HSH2D: variants seen among roughly 807,000 people sequenced by gnomAD.
The protein encoded by HSH2D is hematopoietic SH2 domain containing.
In HSH2D, 16 loss-of-function variants were observed where a neutral mutation model predicts 21.5. The observed-to-expected ratio is 0.74, with a 90% CI of 0.50 to 1.13. The LOEUF (loss-of-function observed/expected upper bound fraction) is 1.13. Among genes scored for constraint, HSH2D ranks in the 50% most tolerant of loss-of-function variants. The pLI, the probability that HSH2D is intolerant of heterozygous loss-of-function variation, is 0.00. For synonymous variants in HSH2D, 172 were observed against 184.7 expected (o/e 0.93, Z 0.56); for missense variants, 418 against 441.4 (o/e 0.95, Z 0.47).
intron 2 of HSH2D, 142 bp downstream of exon 2, chr19:16,149,017 G>A (rs2145039463): frequency 2.3e-6 from 2 of 887,918 alleles, no homozygotes; most frequent in South Asian, 3.6e-5. Flanking sequence ...CAGGCTCCCA[G>A]GCTTGAATCC....
At chr19:16,154,221 C>A (rs944380354) in intron 4 of HSH2D, among the ~76,000 whole-genome samples, 178 bp from the exon 5 acceptor site, 5 of 152,152 alleles carry the variant, frequency 3.3e-5, no homozygotes, top group African/African-American at 4.8e-5. Flanking sequence ...GTGGGTGTGT[C>A]CCAATCCCTA....
chr19:16,142,607 GCATGTGTCA>G, upstream of HSH2D, among the ~76,000 whole-genome samples: 1 of 152,208 alleles, frequency 6.6e-6, no homozygotes, highest in East Asian at 1.9e-4. Context: ...GGGATTACAG[GCATGTGTCA>G]CCACGCCGGG....
chr19:16,152,091 G>A (rs1599422765), intron 2 of HSH2D, among the ~76,000 whole-genome samples: 1 of 122,516 alleles, frequency 8.2e-6, no homozygotes, highest in East Asian at 2.7e-4. Flanking sequence ...GGGAGACAGA[G>A]CGAGACTCTG....
chr19:16,152,600 C>A lies in HSH2D; in HGVS notation c.174C>A (p.Ile58=), dbSNP rs776123188. Reference sequence around the variant, plus strand: ...CACAGCCACTGGGATCCTTTCTCATCAGGGTCAGTCACAGCCATGTGGGCT... The same window carrying A: ...CACAGCCACTGGGATCCTTTCTCATAAGGGTCAGTCACAGCCATGTGGGCT... The part of the protein sequence containing the change: ...LESQPLGSFL[I]RVSHSHVGYT... Residue 58 remains isoleucine (I), a synonymous_variant, in exon 3 of 6, where the codon ATC becomes ATA. Coordinates refer to ENST00000613986, the MANE Select transcript of HSH2D (RefSeq NM_001382417.1). The A allele has an allele frequency of 1.3e-6, 2 of 1,514,708 alleles. No homozygotes were observed. The highest frequency in any genetic ancestry group is 2.7e-5 in the South Asian group (2 of 73,536). The allele number at this position is 1,514,708 out of a possible 1,614,324, so 93.8% of individuals were successfully genotyped here. A position where few individuals can be genotyped will look rare whatever the true frequency, so the allele number is the denominator to read the frequency against.
At chr19:16,147,492 A>G (rs1254093598) in intron 1 of HSH2D, among the ~76,000 whole-genome samples, 3 of 147,658 alleles carry the variant, frequency 2.0e-5, no homozygotes, top group Non-Finnish European at 4.4e-5. Context: ...TCAAAAAAAA[A>G]AAAAAAGAAA....
At chr19:16,142,499 C>G (rs557665922), upstream of HSH2D, among the ~76,000 whole-genome samples, 137 of 152,164 alleles carry the variant, frequency 9.0e-4, no homozygotes, top group Non-Finnish European at 1.7e-3. Context: ...GTTACACTCT[C>G]GCTGCCCAGG....
chr19:16,144,716 G>A (rs1459676534), intron 1 of HSH2D, among the ~76,000 whole-genome samples: 5 of 118,096 alleles, frequency 4.2e-5, no homozygotes, highest in African/African-American at 1.2e-4. Flanking sequence ...TTTTTGAGAC[G>A]GAGTCTTGCT....
At chr19:16,148,577 C>A in intron 1 of HSH2D, 147 bp from the exon 2 acceptor site, 1 of 722,638 alleles carries the variant, frequency 1.4e-6, no homozygotes, top group Non-Finnish European at 2.2e-6. Flanking sequence ...TGAGCCGTCA[C>A]ACCCAGCCAC....
At chr19:16,151,827 C>A (rs1351943508) in intron 2 of HSH2D, among the ~76,000 whole-genome samples, 2 of 150,032 alleles carry the variant, frequency 1.3e-5, no homozygotes, top group African/African-American at 2.5e-5. Context: ...GAAAACAGGC[C>A]GGGCACAGTG....
intron 1 of HSH2D, among the ~76,000 whole-genome samples, chr19:16,146,868 C>T (rs1313156962): frequency 6.6e-6 from 1 of 151,618 alleles, no homozygotes; most frequent in Non-Finnish European, 1.5e-5. Context: ...CTCTGCCCCC[C>T]AGGCTGGAGT....
chr19:16,144,670 G>T (rs1347534890), intron 1 of HSH2D, among the ~76,000 whole-genome samples: 1 of 150,508 alleles, frequency 6.6e-6, no homozygotes, highest in Non-Finnish European at 1.5e-5. Flanking sequence ...AGGCCATCTG[G>T]GTCGAATTCT....
chr19:16,157,224 A>T lies in HSH2D; in HGVS notation c.489A>T (p.Pro163=), dbSNP rs1035035784. ...CTCATTTTCAGGCCTCCCCAAAGCC[A>T]GTCCTGTGTCACCAATCAAAGGAAA... is the stretch of plus-strand genomic sequence containing the variant. The part of the protein sequence containing the change: ...VSAPEEASPK[P]VLCHQSKERK... The change falls in exon 6 of 6, where the codon CCA becomes CCT. Residue 163 remains proline (P), a synonymous_variant. Coordinates refer to ENST00000613986, the MANE Select transcript of HSH2D (RefSeq NM_001382417.1). The surrounding 1 kb of genome is among the most constrained non-coding windows in gnomAD (Gnocchi z 4.4). 6.5e-7 allele frequency: 1 copy of T among 1,542,628 alleles called. No individual in the cohort carries two copies. The highest frequency in any genetic ancestry group is 8.7e-7 in the Non-Finnish European group (1 of 1,146,278).
rs780104490 is a variant in HSH2D at position 16,157,628 on chromosome 19, G to T, written c.893G>T (p.Ser298Ile). ...VPTRKAERSV[S>I]CIEVTPGDRS... is the part of the protein sequence containing the mutation. ...ACCAGGAAGGCCGAGAGGTCGGTCA[G>T]CTGCATTGAGGTGACCCCAGGGGAC... The change falls in exon 6 of 6, where the codon AGC becomes ATC. Residue 298 changes from serine (S) to isoleucine (I), a missense_variant. Physicochemically the swap from Ser to Ile is moderately radical, Grantham distance 142 (BLOSUM62 -2). Coordinates refer to ENST00000613986, the MANE Select transcript of HSH2D (RefSeq NM_001382417.1). This position sits in a 1 kb window ranked among gnomAD's most constrained non-coding sequence, Gnocchi z 4.4. 1.2e-6 allele frequency: 2 copies of T among 1,613,838 alleles called. No individual in the cohort carries two copies. Among genetic ancestry groups the T allele is most frequent in the Admixed American group, 3.3e-5 (2 of 59,988 alleles).
chr19:16,150,639 T>A (rs2091135308), intron 2 of HSH2D, among the ~76,000 whole-genome samples: 2 of 149,038 alleles, frequency 1.3e-5, no homozygotes, highest in South Asian at 4.2e-4. Context: ...CAGGCAGAGA[T>A]CATGCCACTG....
intron 2 of HSH2D, among the ~76,000 whole-genome samples, chr19:16,151,909 C>G (rs2091158410): frequency 1.5e-5 from 2 of 137,176 alleles, no homozygotes; most frequent in South Asian, 4.7e-4. Flanking sequence ...GGTTTGAGAC[C>G]AGCCTGGCCA....
chr19:16,149,136 G>A (rs1313259088), intron 2 of HSH2D, among the ~76,000 whole-genome samples: 1 of 152,090 alleles, frequency 6.6e-6, no homozygotes, highest in Non-Finnish European at 1.5e-5. Flanking sequence ...CAGGGACCTG[G>A]CAGCACCCCA....
intron 1 of HSH2D, 139 bp downstream of exon 1, chr19:16,143,913 G>C: frequency 3.7e-6 from 1 of 267,200 alleles, no homozygotes; most frequent in Non-Finnish European, 7.9e-6. Context: ...TCGTGGAGGA[G>C]GGGGTATTTG....
intron 2 of HSH2D, among the ~76,000 whole-genome samples, 183 bp from the exon 3 acceptor site, chr19:16,152,369 G>GATCGC: frequency 6.8e-6 from 1 of 147,460 alleles, no homozygotes; most frequent in South Asian, 2.2e-4. Context: ...AGTAAGTTGA[G>GATCGC]ATCGCGCCAC....
At chr19:16,136,194 C>T (rs577375545) in intron 1 of HSH2D, among the ~76,000 whole-genome samples, 1 of 152,290 alleles carries the variant, frequency 6.6e-6, no homozygotes, top group Non-Finnish European at 1.5e-5. Context: ...TACTAAAACT[C>T]AAAAGTCACC....
Sources: allele counts gnomAD v4.1 joint callset (sites outside exome capture counted in the v4.1 genomes callset), GRCh38; gene constraint gnomAD v4.1.1; non-coding constraint Gnocchi (gnomAD v3.1); transcripts MANE v1.5; gene names NCBI Gene and HGNC (gene_info 2026-07-23, HGNC 2026-07-21).